Variants in TBCK observed in about 807,000 individuals in gnomAD.
The protein encoded by TBCK is TBC1 domain containing kinase.
Under a neutral mutation model 113.4 loss-of-function variants are expected in TBCK, and 99 were observed. The ratio of observed to expected loss-of-function variants is 0.87; its 90% CI spans 0.74 to 1.03. The LOEUF is 1.03. Among genes scored for constraint, TBCK ranks in the 50% least tolerant of loss-of-function variants. TBCK has a pLI of 0.00. For synonymous variants in TBCK, 369 were observed against 370.8 expected, an observed-to-expected ratio of 1.00 and a Z score of 0.05; for missense variants, 1,045 against 1,061.3, an observed-to-expected ratio of 0.98 and a Z score of 0.21.
At chr4:106,308,471 A>C (rs1337992982) in intron 2 of TBCK, among the ~76,000 whole-genome samples, 1 of 152,202 alleles carries the variant, frequency 6.6e-6, no homozygotes. Context: ...ATGAAGGGTT[A>C]AATTAGTGGA....
chr4:106,226,787 A>G (rs920378730), intron 19 of TBCK, among the ~76,000 whole-genome samples: 2 of 152,084 alleles, frequency 1.3e-5, no homozygotes, highest in African/African-American at 2.4e-5. Context: ...TCATTTTTCT[A>G]TTAACTGAAA....
chr4:106,249,413 T>C (rs915707143), intron 7 of TBCK, among the ~76,000 whole-genome samples: 11 of 152,140 alleles, frequency 7.2e-5, no homozygotes, highest in Admixed American at 4.6e-4. Flanking sequence ...TCTGCATGTA[T>C]GTAGGACCGA....
At chr4:106,302,592 T>C (rs1173936939) in intron 2 of TBCK, among the ~76,000 whole-genome samples, 1 of 152,010 alleles carries the variant, frequency 6.6e-6, no homozygotes, top group Non-Finnish European at 1.5e-5. Context: ...GGCTTCCAGA[T>C]ACAGTGGGAA....
Position 106,222,026 on chromosome 4 carries a change from T to G in TBCK, c.1774+8337A>C, listed in dbSNP as rs193278022. Among the ~76,000 whole-genome samples, 66 of 152,282 alleles carry G rather than the reference T, an allele frequency of 4.3e-4. 1 individual carries two copies. The highest frequency in any genetic ancestry group is 1.3e-3 in the African/African-American group (55 of 41,582). ...TAATAAGGATATGAATCTAGAGTCT[T>G]AACTTCAAAAATAGTGTTTTCTAAC... On this transcript the variant is annotated intron_variant, in intron 19 of 25. Coordinates refer to ENST00000394708, the MANE Select transcript of TBCK (RefSeq NM_001163435.3).
At chr4:106,227,072 T>G (rs181348176) in intron 19 of TBCK, among the ~76,000 whole-genome samples, 4 of 152,250 alleles carry the variant, frequency 2.6e-5, no homozygotes, top group African/African-American at 9.6e-5. Flanking sequence ...TAAAAATCTT[T>G]CTTGAATTAA....
chr4:106,113,304 A>G (rs1032604634), intron 24 of TBCK, among the ~76,000 whole-genome samples: 1 of 152,222 alleles, frequency 6.6e-6, no homozygotes, highest in Non-Finnish European at 1.5e-5. Context: ...AAATATGCTC[A>G]GAAAACAAAA....
chr4:106,189,484 C>G (rs971935895), intron 22 of TBCK, among the ~76,000 whole-genome samples: 1 of 152,136 alleles, frequency 6.6e-6, no homozygotes, highest in South Asian at 2.1e-4. Context: ...AAAACTTTCA[C>G]TGAACAACTG....
intron 22 of TBCK, among the ~76,000 whole-genome samples, chr4:106,172,058 C>G (rs780541034): frequency 2.0e-4 from 31 of 152,074 alleles, no homozygotes; most frequent in Middle Eastern, 3.2e-3. Flanking sequence ...TCTTGAATTC[C>G]TGACCTCAGG....
chr4:106,094,685 C>G (rs1435507457), intron 25 of TBCK, among the ~76,000 whole-genome samples: 1 of 152,108 alleles, frequency 6.6e-6, no homozygotes, highest in Non-Finnish European at 1.5e-5. Context: ...TCTCTGTGCC[C>G]TGGGAGGTTG....
At chr4:106,239,919 C>A (rs965660239) in intron 12 of TBCK, among the ~76,000 whole-genome samples, 1 of 151,610 alleles carries the variant, frequency 6.6e-6, no homozygotes, top group African/African-American at 2.4e-5. Flanking sequence ...TAGCATCGTG[C>A]AGTAAAAGAA....
At chr4:106,107,089 A>G (rs1013714507) in intron 24 of TBCK, among the ~76,000 whole-genome samples, 3 of 152,196 alleles carry the variant, frequency 2.0e-5, no homozygotes, top group Admixed American at 1.3e-4. Flanking sequence ...AGACCTAACT[A>G]TTCTAAATAT....
At chr4:106,207,469 A>T (rs1755661653) in intron 20 of TBCK, among the ~76,000 whole-genome samples, 1 of 152,222 alleles carries the variant, frequency 6.6e-6, no homozygotes, top group Non-Finnish European at 1.5e-5. Flanking sequence ...AGGCATAGAA[A>T]GTTACCTCAA....
chr4:106,187,981 A>C (rs1359793285), intron 22 of TBCK, among the ~76,000 whole-genome samples: 1 of 152,218 alleles, frequency 6.6e-6, no homozygotes, highest in Non-Finnish European at 1.5e-5. Context: ...GCATAAAATC[A>C]TACCACTTGT....
intron 25 of TBCK, among the ~76,000 whole-genome samples, chr4:106,054,064 C>T (rs1735118272): frequency 6.6e-6 from 1 of 151,688 alleles, no homozygotes; most frequent in Non-Finnish European, 1.5e-5. Context: ...GTGAGTGATC[C>T]TTTTAAAATA....
At chr4:106,201,260 T>C (rs1309422938) in intron 20 of TBCK, among the ~76,000 whole-genome samples, 4 of 152,038 alleles carry the variant, frequency 2.6e-5, no homozygotes, top group African/African-American at 9.7e-5. Context: ...TTTTTCTTTC[T>C]ATATTTCTCC....
At chr4:106,065,504 T>G (rs959583515) in intron 25 of TBCK, among the ~76,000 whole-genome samples, 1 of 152,052 alleles carries the variant, frequency 6.6e-6, no homozygotes, top group Non-Finnish European at 1.5e-5. Flanking sequence ...CATGCTTGTT[T>G]TGATACAAAG....
At chr4:106,261,336 G>A (rs1762485578) in intron 4 of TBCK, among the ~76,000 whole-genome samples, 1 of 151,974 alleles carries the variant, frequency 6.6e-6, no homozygotes, top group Non-Finnish European at 1.5e-5. Flanking sequence ...AGGCTGGAGT[G>A]CATTGGTGTG....
chr4:106,215,370 A>G (rs921871501), intron 19 of TBCK, among the ~76,000 whole-genome samples: 1 of 152,162 alleles, frequency 6.6e-6, no homozygotes, highest in African/African-American at 2.4e-5. Flanking sequence ...TAACACGATT[A>G]ACTTTAAATG....
chr4:106,153,725 G>A (rs1431899692), intron 23 of TBCK, among the ~76,000 whole-genome samples: 9 of 151,918 alleles, frequency 5.9e-5, no homozygotes, highest in African/African-American at 2.2e-4. Context: ...AATAAGTTGG[G>A]TACTCCAGTA....
Sources: allele counts gnomAD v4.1 joint callset (sites outside exome capture counted in the v4.1 genomes callset), GRCh38; gene constraint gnomAD v4.1.1; transcripts MANE v1.5; gene names NCBI Gene and HGNC (gene_info 2026-07-23, HGNC 2026-07-21).